STXBP4: variants seen among roughly 807,000 people sequenced by gnomAD.
STXBP4 encodes syntaxin binding protein 4.
In STXBP4, 55 loss-of-function variants were observed where a neutral mutation model predicts 76.1. The ratio of observed to expected loss-of-function variants is 0.72; its 90% CI spans 0.58 to 0.91. The LOEUF (loss-of-function observed/expected upper bound fraction) is 0.91. STXBP4 is among the 40% of genes least tolerant of loss of function. The pLI is 0.00. For synonymous variants in STXBP4, 201 were observed against 220.2 expected (o/e 0.91, Z 0.77); for missense variants, 618 against 636.9 (o/e 0.97, Z 0.32).
At chr17:55,209,061 A>G in the STXBP4 span, among the ~76,000 whole-genome samples, 1 of 152,312 alleles carries the variant, frequency 6.6e-6, no homozygotes, top group African/African-American at 2.4e-5. Context: ...CAGCCTGTGC[A>G]ACAGAGCAAG....
rs1359489939 is a variant in STXBP4 at position 54,999,393 on chromosome 17, T to A, written c.229T>A (p.Ser77Thr). ...TCAACTTGTCTCAGTCAACAAGGAA[T>A]CTATGATTGGTGTATCATTTGAAGA... Reference protein sequence around the residue: ...GDQLVSVNKESMIGVSFEEAK... With the variant: ...GDQLVSVNKETMIGVSFEEAK... Residue 77 changes from serine (S) to threonine (T), a missense_variant, in exon 5 of 18, where the codon TCT (serine) becomes ACT (threonine). Coordinates refer to ENST00000376352, the MANE Select transcript of STXBP4 (RefSeq NM_178509.6). 1.2e-6 allele frequency: 2 copies of A among 1,613,112 alleles called. No homozygotes were observed. Among genetic ancestry groups the A allele is most frequent in the African/African-American group, 2.7e-5 (2 of 74,874 alleles).
At chr17:55,193,389 T>C in the STXBP4 span, among the ~76,000 whole-genome samples, 1 of 152,292 alleles carries the variant, frequency 6.6e-6, no homozygotes, top group Non-Finnish European at 1.5e-5. Context: ...GTTTGGGTGG[T>C]AGGATTCTTG....
intron 12 of STXBP4, among the ~76,000 whole-genome samples, chr17:55,054,046 T>C (rs1171465496): frequency 6.6e-6 from 1 of 152,208 alleles, no homozygotes; most frequent in East Asian, 1.9e-4. Flanking sequence ...CCTGTATTTA[T>C]TTCTGTGAAA....
In STXBP4 at chr17:55,168,497, ATT is replaced by A. The variant is rs1416178063; in HGVS notation, c.*8589_*8590del. 2.6e-5 allele frequency: 4 copies of A among 152,152 alleles called. No homozygotes were observed. In the East Asian group the frequency reaches 7.7e-4, roughly 29 times the overall value. The allele number at this position is 152,152 out of a possible 1,614,324, so 9.4% of individuals were successfully genotyped here. A position where few individuals can be genotyped will look rare whatever the true frequency, so the allele number is the denominator to read the frequency against. On this transcript the variant is annotated 3_prime_UTR_variant, in exon 18 of 18. Transcript: ENST00000376352. ...TTCATCAGTTATAAGACCCATCATT[ATT>A]TTGTGTGTAACTGAAAATGAAAAAA...
chr17:55,164,557 T>C lies in STXBP4; in HGVS notation c.*4646T>C, dbSNP rs924076988. 2.0e-5 allele frequency: 3 copies of C among 147,190 alleles called. No homozygotes were observed. The highest frequency in any genetic ancestry group is 6.9e-5 in the Admixed American group (1 of 14,502). The allele number at this position is 147,190 out of a possible 1,614,324, so 9.1% of individuals were successfully genotyped here. On this transcript the variant is annotated 3_prime_UTR_variant, in exon 18 of 18. Coordinates refer to ENST00000376352, the MANE Select transcript of STXBP4 (RefSeq NM_178509.6). ...GCTCCGCTTCCCGGGTTCACGCCAT[T>C]CTCCTGCCTCAGCCTCCCGAGTAGC... is the stretch of plus-strand genomic sequence containing the variant.
chr17:55,209,921 A>G, the STXBP4 span, among the ~76,000 whole-genome samples: 69 of 152,316 alleles, frequency 4.5e-4, no homozygotes, highest in East Asian at 0.011. Flanking sequence ...AAGGTTGGGC[A>G]TCCCTGGTTA....
chr17:55,189,144 AG>A, the STXBP4 span, among the ~76,000 whole-genome samples: 4 of 132,954 alleles, frequency 3.0e-5, no homozygotes, highest in African/African-American at 1.2e-4. Context: ...GCCTGATGCA[AG>A]GGGGACATAG....
Position 55,038,533 on chromosome 17 carries a change from A to G in STXBP4, c.855+4274A>G, listed in dbSNP as rs1397995737. ...CAGTCCTACTTTTGTTTGTTTGACAACTTTTGGGTTTGGAAGAATATGACA... is the reference window on the plus strand; with the variant it reads ...CAGTCCTACTTTTGTTTGTTTGACAGCTTTTGGGTTTGGAAGAATATGACA... On this transcript the variant is annotated intron_variant, in intron 10 of 17. Transcript: ENST00000376352. Among the ~76,000 whole-genome samples, 4 of 152,208 alleles carry G rather than the reference A, an allele frequency of 2.6e-5. 1 individual carries two copies. The highest frequency in any genetic ancestry group is 1.3e-4 in the Admixed American group (2 of 15,270).
At chr17:55,063,018 C>A (rs2079012365) in intron 12 of STXBP4, among the ~76,000 whole-genome samples, 1 of 152,010 alleles carries the variant, frequency 6.6e-6, no homozygotes, top group African/African-American at 2.4e-5. Flanking sequence ...ACATTAATTC[C>A]TTTTTTGTGA....
intron 16 of STXBP4, among the ~76,000 whole-genome samples, chr17:55,112,226 C>T (rs1487077762): frequency 6.6e-6 from 1 of 152,124 alleles, no homozygotes; most frequent in Non-Finnish European, 1.5e-5. Context: ...AGCCACAGGT[C>T]TCTGCTTTAA....
chr17:55,077,493 A>G (rs947142509), intron 13 of STXBP4, among the ~76,000 whole-genome samples: 15 of 152,142 alleles, frequency 9.9e-5, no homozygotes, highest in African/African-American at 3.6e-4. Flanking sequence ...ACTTCTTCCC[A>G]GTTCACCCAT....
At chr17:55,146,476 C>A (rs2145163605) in intron 17 of STXBP4, among the ~76,000 whole-genome samples, 1 of 152,120 alleles carries the variant, frequency 6.6e-6, no homozygotes, top group South Asian at 2.1e-4. Context: ...CTTTGGGAGG[C>A]CAAGGCAGGC....
At position 55,052,647 on chromosome 17, in the gene STXBP4, A is replaced by G. The variant is rs531352031; in HGVS notation, c.1011+5493A>G. ...CTCTACAAACTGCTTATTAATTGCA[A>G]GGGGGTAAAATAGCAGTTATACAGT... On this transcript the variant is annotated intron_variant, in intron 12 of 17. Transcript: ENST00000376352. Among the ~76,000 whole-genome samples, 22 of 152,228 alleles carry G rather than the reference A, an allele frequency of 1.4e-4. No homozygotes were observed. In the South Asian group the frequency reaches 4.4e-3, roughly 30 times the overall value.
intron 16 of STXBP4, among the ~76,000 whole-genome samples, chr17:55,136,889 A>G (rs1231432665): frequency 6.6e-6 from 1 of 152,176 alleles, no homozygotes. Context: ...TAGGCATCCA[A>G]AATACTCTAA....
chr17:55,201,246 A>AGCT, the STXBP4 span, among the ~76,000 whole-genome samples: 1 of 152,250 alleles, frequency 6.6e-6, no homozygotes, highest in Non-Finnish European at 1.5e-5. Flanking sequence ...TGTTAAAGTC[A>AGCT]GCTAAGCTTT....
the STXBP4 span, among the ~76,000 whole-genome samples, chr17:55,199,320 A>G: frequency 6.6e-6 from 1 of 152,222 alleles, no homozygotes; most frequent in East Asian, 1.9e-4. Flanking sequence ...TACTCTGTGA[A>G]TTCTTGAATG....
chr17:54,974,830 G>A (rs2077447753), intron 1 of STXBP4, among the ~76,000 whole-genome samples: 1 of 63,772 alleles, frequency 1.6e-5, no homozygotes, highest in African/African-American at 1.2e-4. Flanking sequence ...GCAGCTTAGA[G>A]GCAGTTTTGC....
intron 17 of STXBP4, among the ~76,000 whole-genome samples, chr17:55,152,219 C>T (rs191805600): frequency 8.2e-4 from 125 of 152,226 alleles, no homozygotes; most frequent in African/African-American, 2.9e-3. Context: ...ATGGACCCCC[C>T]TTTCTGTGAG....
At chr17:55,103,841 A>C (rs1456743837) in intron 16 of STXBP4, among the ~76,000 whole-genome samples, 2 of 151,800 alleles carry the variant, frequency 1.3e-5, no homozygotes, top group Non-Finnish European at 2.9e-5. Context: ...CAGGCCCTTC[A>C]CCTCCATTGT....
Sources: allele counts gnomAD v4.1 joint callset (sites outside exome capture counted in the v4.1 genomes callset), GRCh38; gene constraint gnomAD v4.1.1; transcripts MANE v1.5; gene names NCBI Gene and HGNC (gene_info 2026-07-23, HGNC 2026-07-21).